PRMT8: variants seen among roughly 807,000 people sequenced by gnomAD.
PRMT8 encodes protein arginine methyltransferase 8, also known as protein arginine N-methyltransferase 8.
In PRMT8, 7 loss-of-function variants were observed where a neutral mutation model predicts 47.1. The ratio of observed to expected loss-of-function variants is 0.15; its 90% CI spans 0.08 to 0.28. The LOEUF (loss-of-function observed/expected upper bound fraction) is 0.28, where lower values mean the gene tolerates loss of function less well. Among genes scored for constraint, PRMT8 ranks in the 10% least tolerant of loss-of-function variants. The pLI is 1.00. For synonymous variants in PRMT8, 188 were observed against 186.5 expected (o/e 1.01, Z -0.07); for missense variants, 237 against 505.4 (o/e 0.47, Z 5.09).
At chr12:3,544,885 G>A (rs1378114385) in intron 2 of PRMT8, among the ~76,000 whole-genome samples, 1 of 152,176 alleles carries the variant, frequency 6.6e-6, no homozygotes, top group African/African-American at 2.4e-5. Context: ...ACAAAATGGT[G>A]CAGTTTGGAC....
At chr12:3,521,145 C>G (rs1865873531) in intron 1 of PRMT8, among the ~76,000 whole-genome samples, 1 of 152,188 alleles carries the variant, frequency 6.6e-6, no homozygotes, top group South Asian at 2.1e-4. Context: ...GCCACTCAAA[C>G]TGAGGATGGG....
At chr12:3,483,314 T>G (rs534052274) in intron 1 of PRMT8, among the ~76,000 whole-genome samples, 1 of 152,316 alleles carries the variant, frequency 6.6e-6, no homozygotes, top group East Asian at 1.9e-4. Flanking sequence ...CTGCAGGGTT[T>G]CCATCCCTGG....
At chr12:3,568,003 C>T (rs990052628) in intron 4 of PRMT8, among the ~76,000 whole-genome samples, 26 of 149,604 alleles carry the variant, frequency 1.7e-4, no homozygotes, top group East Asian at 1.2e-3. Context: ...ACCTGGGAGG[C>T]GGAGGTTGTG....
At chr12:3,471,036 C>G (rs1413022981) in intron 1 of PRMT8, among the ~76,000 whole-genome samples, 1 of 152,148 alleles carries the variant, frequency 6.6e-6, no homozygotes, top group African/African-American at 2.4e-5. Flanking sequence ...GTCTAAAGCT[C>G]TAGGGGCCTG....
At position 3,476,880 on chromosome 12, in the gene PRMT8, G is replaced by T. The variant is rs115697004; in HGVS notation, c.49-63726G>T. Among the ~76,000 whole-genome samples the T allele has an allele frequency of 9.9e-3, 1,506 of 152,324 alleles. 31 individuals are homozygous for T. Among genetic ancestry groups the T allele is most frequent in the African/African-American group, 0.034 (1,406 of 41,566 alleles). On this transcript the variant is annotated intron_variant, in intron 1 of 9. Transcript: ENST00000452611. ...TTCGAGTCTGTCCACTTAGTGAGTG[G>T]TGGAGAGAGGAGAGCCCCTCAAGAG...
At chr12:3,525,635 G>A (rs1375051776) in intron 1 of PRMT8, among the ~76,000 whole-genome samples, 2 of 152,162 alleles carry the variant, frequency 1.3e-5, no homozygotes, top group African/African-American at 4.8e-5. Context: ...AACCTCATGA[G>A]TGAGTTCACA....
intron 1 of PRMT8, among the ~76,000 whole-genome samples, chr12:3,507,329 G>A (rs1297952751): frequency 6.6e-6 from 1 of 152,034 alleles, no homozygotes; most frequent in Non-Finnish European, 1.5e-5. Flanking sequence ...CACCGTGTTA[G>A]CCAGGATGGT....
intron 1 of PRMT8, among the ~76,000 whole-genome samples, chr12:3,539,599 C>A (rs1303192632): frequency 1.3e-5 from 2 of 152,172 alleles, no homozygotes; most frequent in Non-Finnish European, 2.9e-5. Context: ...GGTCTCCTGG[C>A]ATAACTGCTT....
At chr12:3,506,736 G>A (rs1286789284) in intron 1 of PRMT8, among the ~76,000 whole-genome samples, 2 of 152,192 alleles carry the variant, frequency 1.3e-5, no homozygotes, top group African/African-American at 4.8e-5. Context: ...GCTCCCTCGA[G>A]ATAGACACGC....
At chr12:3,548,450 G>A (rs1866363782) in intron 2 of PRMT8, among the ~76,000 whole-genome samples, 2 of 152,198 alleles carry the variant, frequency 1.3e-5, no homozygotes. Flanking sequence ...TGAAGGACTA[G>A]CTTCCAGAAT....
At chr12:3,495,175 T>C (rs1210949493) in intron 1 of PRMT8, among the ~76,000 whole-genome samples, 1 of 152,210 alleles carries the variant, frequency 6.6e-6, no homozygotes, top group African/African-American at 2.4e-5. Flanking sequence ...GGCACTTTCC[T>C]CTGAACTGTT....
intron 7 of PRMT8, among the ~76,000 whole-genome samples, chr12:3,578,198 G>A (rs966796492): frequency 6.6e-6 from 1 of 151,930 alleles, no homozygotes; most frequent in African/African-American, 2.4e-5. Flanking sequence ...CTGCAATCTC[G>A]ACTAACTGAA....
intron 1 of PRMT8, among the ~76,000 whole-genome samples, chr12:3,511,469 G>T (rs1233171369): frequency 6.6e-6 from 1 of 152,162 alleles, no homozygotes; most frequent in Non-Finnish European, 1.5e-5. Flanking sequence ...CAGCCTGCTG[G>T]CAATTATTTG....
At chr12:3,471,084 C>T (rs992113308) in intron 1 of PRMT8, among the ~76,000 whole-genome samples, 12 of 152,036 alleles carry the variant, frequency 7.9e-5, no homozygotes, top group Non-Finnish European at 1.5e-4. Context: ...GCAGAAGGAG[C>T]GGTGGTTTCT....
intron 1 of PRMT8, among the ~76,000 whole-genome samples, chr12:3,522,232 T>A (rs577411498): frequency 1.5e-3 from 233 of 151,480 alleles, no homozygotes; most frequent in Non-Finnish European, 4.9e-4. Flanking sequence ...AAAACCAATT[T>A]AAAAAAAAAT....
chr12:3,389,807 G>A (rs939619440), intron 1 of PRMT8, among the ~76,000 whole-genome samples: 1 of 152,360 alleles, frequency 6.6e-6, no homozygotes, highest in East Asian at 1.9e-4. Context: ...CCGTCTGCTA[G>A]TCTTCCCAGA....
rs1207219357 is a variant in PRMT8, at chr12:3,456,376, G to A, written c.48+74934G>A. Reference sequence around the variant, plus strand: ...TCTGGATCGTGGATCCCCTTCCCGAGGGAAAAACCCTAGCACCCACATATC... The same window carrying A: ...TCTGGATCGTGGATCCCCTTCCCGAAGGAAAAACCCTAGCACCCACATATC... On this transcript the variant is annotated intron_variant, in intron 1 of 9. Coordinates refer to the PRMT8 transcript ENST00000452611. This position sits in a 1 kb window ranked among gnomAD's most constrained non-coding sequence, Gnocchi z 4.2. Among the ~76,000 whole-genome samples the A allele has an allele frequency of 6.6e-6, 1 of 152,134 alleles. No individual in the cohort carries two copies. The highest frequency in any genetic ancestry group is 1.9e-4 in the East Asian group (1 of 5,188).
At chr12:3,534,009 G>A (rs761687585) in intron 1 of PRMT8, among the ~76,000 whole-genome samples, 1 of 152,240 alleles carries the variant, frequency 6.6e-6, no homozygotes, top group Non-Finnish European at 1.5e-5. Context: ...GTCTAAGGGC[G>A]ACACTGGGCA....
intron 7 of PRMT8, among the ~76,000 whole-genome samples, chr12:3,577,725 G>A (rs986780532): frequency 2.0e-5 from 3 of 151,844 alleles, no homozygotes; most frequent in African/African-American, 7.3e-5. Context: ...TGTATTTTAT[G>A]TGTGGCCCAA....
Sources: allele counts gnomAD v4.1 joint callset (sites outside exome capture counted in the v4.1 genomes callset), GRCh38; gene constraint gnomAD v4.1.1; non-coding constraint Gnocchi (gnomAD v3.1); transcripts MANE v1.5; gene names NCBI Gene and HGNC (gene_info 2026-07-23, HGNC 2026-07-21).